The following RNF220 variants were observed in gnomAD, a reference collection of about 807,000 sequenced individuals.
RNF220 encodes the protein E3 ubiquitin-protein ligase RNF220.
RNF220 carries 7 observed loss-of-function variants against 67.1 expected under a neutral mutation model. The observed-to-expected ratio is 0.10, with a 90% CI of 0.06 to 0.20. The LOEUF (loss-of-function observed/expected upper bound fraction) is 0.20. Among genes scored for constraint, RNF220 ranks in the 10% least tolerant of loss-of-function variants. The probability of loss-of-function intolerance (pLI) is 1.00; values close to 1 mark genes in which losing one functional copy is unlikely to be tolerated. For synonymous variants in RNF220, 270 were observed against 283.2 expected (o/e 0.95, Z 0.47); for missense variants, 565 against 740.3 (o/e 0.76, Z 2.75).
chr1:44,470,378 T>C (rs35732648), intron 2 of RNF220, among the ~76,000 whole-genome samples: 40,132 of 152,136 alleles, frequency 0.26, 5,767 homozygotes, highest in African/African-American at 0.37. Flanking sequence ...CTTTTGAGAG[T>C]ACACATCAGT....
At position 44,572,679 on chromosome 1, in the gene RNF220, G is replaced by A. The variant is rs565624231; in HGVS notation, c.626-41486G>A. Among the ~76,000 whole-genome samples, 5 of 150,554 alleles carry A rather than the reference G, an allele frequency of 3.3e-5. No homozygotes were observed. The East Asian group carries it at 9.9e-4, about 30-fold the overall frequency. ...CATTCTCCCAGGCAGGTCTTCTCTG[G>A]CCCAGCCACTTCTCAGCTCTCTCGG... On this transcript the variant is annotated intron_variant, in intron 2 of 14. Coordinates refer to ENST00000361799, the MANE Select transcript of RNF220 (RefSeq NM_018150.4).
chr1:44,639,308 G>A (rs910344943), intron 8 of RNF220, among the ~76,000 whole-genome samples: 2 of 152,206 alleles, frequency 1.3e-5, no homozygotes, highest in African/African-American at 4.8e-5. Context: ...GGTGAACCAT[G>A]GTCCCTCCTG....
intron 6 of RNF220, chr1:44,632,586 C>T: frequency 1.6e-6 from 1 of 622,038 alleles, no homozygotes; most frequent in Non-Finnish European, 2.9e-6. Context: ...TGGCGCCCAG[C>T]TCTTGCCCAA....
At chr1:44,455,855 C>G (rs1035148060) in intron 2 of RNF220, among the ~76,000 whole-genome samples, 1 of 152,170 alleles carries the variant, frequency 6.6e-6, no homozygotes, top group African/African-American at 2.4e-5. Context: ...CTAGCTCTAG[C>G]ACGTGCCATC....
At chr1:44,603,377 C>T (rs746607690) in intron 2 of RNF220, among the ~76,000 whole-genome samples, 11 of 152,212 alleles carry the variant, frequency 7.2e-5, no homozygotes, top group Admixed American at 2.0e-4. Flanking sequence ...ACCTTGGCCC[C>T]GGGCTACGGT....
Position 44,622,904 on chromosome 1 carries a change from A to G in RNF220, c.804+117A>G. ...ATCCTCAACTATCTCCAGCTTTTCT[A>G]ATATCCTCAACTATCTCCAGGTCTT... is the stretch of plus-strand genomic sequence containing the variant. On this transcript the variant is annotated intron_variant, in intron 4 of 14. Transcript: ENST00000361799. The surrounding 1 kb of genome is among the most constrained non-coding windows in gnomAD (Gnocchi z 4.3). 2.4e-6 allele frequency: 2 copies of G among 836,088 alleles called. No individual in the cohort carries two copies. Among genetic ancestry groups the G allele is most frequent in the Middle Eastern group, 4.5e-4 (2 of 4,454 alleles). The allele number at this position is 836,088 out of a possible 1,614,324, so 51.8% of individuals were successfully genotyped here.
At chr1:44,459,291 C>CT (rs1653518960) in intron 2 of RNF220, among the ~76,000 whole-genome samples, 3 of 152,154 alleles carry the variant, frequency 2.0e-5, no homozygotes, top group Admixed American at 1.3e-4. Flanking sequence ...CCAGCACTGC[C>CT]TTTGACGCTT....
intron 2 of RNF220, among the ~76,000 whole-genome samples, chr1:44,426,780 C>T (rs1397641514): frequency 6.6e-6 from 1 of 150,768 alleles, no homozygotes; most frequent in Non-Finnish European, 1.5e-5. Context: ...GTGCGGTAAA[C>T]TTCATTGTGT....
At chr1:44,626,222 A>G (rs1175757870) in intron 4 of RNF220, 75 bp from the exon 5 acceptor site, 1 of 1,134,096 alleles carries the variant, frequency 8.8e-7, no homozygotes, top group African/African-American at 1.5e-5. Context: ...CCAAAGCACC[A>G]CAGGACTGGG....
intron 2 of RNF220, among the ~76,000 whole-genome samples, chr1:44,550,850 G>A (rs1199708211): frequency 6.6e-6 from 1 of 152,116 alleles, no homozygotes; most frequent in African/African-American, 2.4e-5. Flanking sequence ...GCTTCTCCAT[G>A]GCCAGGTTGG....
chr1:44,602,812 A>AATGGT (rs1667015797), intron 2 of RNF220, among the ~76,000 whole-genome samples: 2 of 151,996 alleles, frequency 1.3e-5, no homozygotes, highest in Admixed American at 1.3e-4. Flanking sequence ...TTCTCAGGTC[A>AATGGT]CTGCTTGGCT....
chr1:44,626,715 C>T lies in RNF220; in HGVS notation c.906+317C>T, dbSNP rs1643951921. The stretch of plus-strand genomic sequence containing the variant: ...TTCATAAGAGACCCAGATACATAGC[C>T]CAGAATCACCTGAAGATTTCAGACT... On this transcript the variant is annotated intron_variant, in intron 5 of 14. Transcript: ENST00000361799. 1.4e-5 allele frequency: 4 copies of T among 284,854 alleles called. No homozygotes were observed. In the South Asian group the frequency reaches 1.9e-4, roughly 14 times the overall value. The allele number at this position is 284,854 out of a possible 1,614,324, so 17.6% of individuals were successfully genotyped here. A position where few individuals can be genotyped will look rare whatever the true frequency, so the allele number is the denominator to read the frequency against.
intron 2 of RNF220, among the ~76,000 whole-genome samples, chr1:44,438,454 T>TA (rs1651206580): frequency 6.6e-6 from 1 of 152,218 alleles, no homozygotes; most frequent in Admixed American, 6.5e-5. Flanking sequence ...CAAAATAATG[T>TA]TTTAATATGC....
chr1:44,636,212 C>T (rs770250708), intron 8 of RNF220, 50 bp downstream of exon 8: 1 of 1,569,262 alleles, frequency 6.4e-7, no homozygotes. Context: ...CAGGCCTCTG[C>T]TGGGTATCCA....
At chr1:44,540,843 A>G (rs72895590) in intron 2 of RNF220, among the ~76,000 whole-genome samples, 39,778 of 151,972 alleles carry the variant, frequency 0.26, 5,517 homozygotes, top group African/African-American at 0.36. Flanking sequence ...AGAAAGACCA[A>G]ACTTTCTGAG....
At chr1:44,567,888 T>A (rs1398644898) in intron 2 of RNF220, among the ~76,000 whole-genome samples, 1 of 151,980 alleles carries the variant, frequency 6.6e-6, no homozygotes, top group Non-Finnish European at 1.5e-5. Context: ...GGAGCCCCAT[T>A]TCACCCTGCA....
intron 2 of RNF220, among the ~76,000 whole-genome samples, chr1:44,421,153 C>A (rs1421885768): frequency 3.3e-5 from 5 of 152,082 alleles, no homozygotes; most frequent in Non-Finnish European, 7.3e-5. Context: ...AGGTAATAGT[C>A]GAGTTAGAGA....
intron 2 of RNF220, among the ~76,000 whole-genome samples, chr1:44,422,552 T>C (rs989355829): frequency 6.6e-6 from 1 of 152,198 alleles, no homozygotes; most frequent in Admixed American, 6.5e-5. Flanking sequence ...TGGGGAGATT[T>C]TTATTGTCAT....
chr1:44,446,483 A>G (rs1652098346), intron 2 of RNF220, among the ~76,000 whole-genome samples: 1 of 152,128 alleles, frequency 6.6e-6, no homozygotes, highest in South Asian at 2.1e-4. Flanking sequence ...TGTCACTGTT[A>G]AAGTGAAATC....
Sources: allele counts gnomAD v4.1 joint callset (sites outside exome capture counted in the v4.1 genomes callset), GRCh38; gene constraint gnomAD v4.1.1; non-coding constraint Gnocchi (gnomAD v3.1); transcripts MANE v1.5; gene names NCBI Gene and HGNC (gene_info 2026-07-23, HGNC 2026-07-21).